The following NET1 variants were observed in gnomAD, a reference collection of about 807,000 sequenced individuals.
NET1 encodes the protein neuroepithelial cell transforming 1.
Under a neutral mutation model 61.1 loss-of-function variants are expected in NET1, and 42 were observed. The ratio of observed to expected loss-of-function variants is 0.69; its 90% CI spans 0.54 to 0.89. The LOEUF is 0.89. Ranked by LOEUF, NET1 falls within the 40% of genes least tolerant of loss-of-function variation. NET1 has a pLI of 0.00. For missense variants in NET1, 654 were observed against 747.3 expected (o/e 0.88, Z 1.46); for synonymous variants, 254 against 281.8 (o/e 0.90, Z 0.99).
chr10:5,428,509 A>AC (rs1238235257), intron 2 of NET1, among the ~76,000 whole-genome samples: 29 of 151,588 alleles, frequency 1.9e-4, no homozygotes, highest in Non-Finnish European at 3.7e-4. Flanking sequence ...CAAAAAAAAA[A>AC]AACTAGCTGA....
chr10:5,452,277 A>T lies in NET1; in HGVS notation c.364-81A>T. 2 of 1,263,788 alleles carry T rather than the reference A, an allele frequency of 1.6e-6. No individual in the cohort carries two copies. The highest frequency in any genetic ancestry group is 1.5e-5 in the African/African-American group (1 of 65,944). The allele number at this position is 1,263,788 out of a possible 1,614,324, so 78.3% of individuals were successfully genotyped here. ...AATTCTCAGAACTTTGTCTTTCTTC[A>T]CTTTAAAAAAAAAGAAAATGGGAAT... On this transcript the variant is annotated intron_variant, in intron 4 of 11. Transcript: ENST00000355029. The surrounding 1 kb of genome is among the most constrained non-coding windows in gnomAD (Gnocchi z 4.0).
intron 3 of NET1, among the ~76,000 whole-genome samples, chr10:5,448,375 G>A (rs1266514571): frequency 1.3e-5 from 2 of 152,140 alleles, no homozygotes; most frequent in African/African-American, 2.4e-5. Flanking sequence ...ACAATTTTCT[G>A]TTTATAGATG....
In NET1 at chr10:5,456,627, C is replaced by A. The variant is rs975094171; in HGVS notation, c.1424C>A (p.Pro475Gln). ...AGAATTCGCTTCCATGACCCCTCTCCAGCCCAGTCTCACACTCTGCAAGCC... is the reference window on the plus strand; with the variant it reads ...AGAATTCGCTTCCATGACCCCTCTCAAGCCCAGTCTCACACTCTGCAAGCC... ...IFRIRFHDPSPAQSHTLQAND... is the reference protein window; with the variant it reads ...IFRIRFHDPSQAQSHTLQAND... Residue 475 changes from proline to glutamine, a missense_variant, in exon 12 of 12, where the codon CCA becomes CAA. Coordinates refer to ENST00000355029, the MANE Select transcript of NET1 (RefSeq NM_001047160.3). The surrounding 1 kb of genome is among the most constrained non-coding windows in gnomAD (Gnocchi z 7.0). 25 of 1,574,612 alleles carry A rather than the reference C, an allele frequency of 1.6e-5. No individual in the cohort carries two copies. The highest frequency in any genetic ancestry group is 2.0e-5 in the Non-Finnish European group (23 of 1,161,472).
Position 5,444,075 on chromosome 10 carries a change from T to C in NET1, c.256-7755T>C, listed in dbSNP as rs927448471. 2.6e-5 allele frequency among the ~76,000 whole-genome samples: 4 copies of C among 152,360 alleles called. No individual in the cohort carries two copies. The highest frequency in any genetic ancestry group is 2.9e-5 in the Non-Finnish European group (2 of 68,038). Reference sequence around the variant, plus strand: ...CTCTGAGAATGTAGGTAGATCACTGTTCTTAAAATTAAGAGTAAAATTAGG... The same window carrying C: ...CTCTGAGAATGTAGGTAGATCACTGCTCTTAAAATTAAGAGTAAAATTAGG... On this transcript the variant is annotated intron_variant, in intron 3 of 11. Coordinates refer to ENST00000355029, the MANE Select transcript of NET1 (RefSeq NM_001047160.3). This position sits in a 1 kb window ranked among gnomAD's most constrained non-coding sequence, Gnocchi z 5.3.
In NET1 at chr10:5,444,560, G is replaced by C. The variant is rs149868640; in HGVS notation, c.256-7270G>C. 6.6e-6 allele frequency among the ~76,000 whole-genome samples: 1 copy of C among 152,136 alleles called. No homozygotes were observed. The highest frequency in any genetic ancestry group is 1.9e-4 in the East Asian group (1 of 5,178). ...TTTTCATACCCTCCTTAACCTCTTT[G>C]CTGTAATTAACATTTTTTTCTTCCC... is the stretch of plus-strand genomic sequence containing the variant. On this transcript the variant is annotated intron_variant, in intron 3 of 11. Coordinates refer to ENST00000355029, the MANE Select transcript of NET1 (RefSeq NM_001047160.3). This position sits in a 1 kb window ranked among gnomAD's most constrained non-coding sequence, Gnocchi z 5.3.
intron 3 of NET1, among the ~76,000 whole-genome samples, chr10:5,445,856 G>A (rs1051706261): frequency 1.3e-5 from 2 of 152,186 alleles, no homozygotes; most frequent in Non-Finnish European, 2.9e-5. Flanking sequence ...TCAGTCTAGA[G>A]AAGGACCCTG....
Position 5,459,022 on chromosome 10 carries a change from G to A in NET1, c.*2028G>A, listed in dbSNP as rs1016530932. Among the ~76,000 whole-genome samples the A allele has an allele frequency of 6.6e-6, 1 of 152,104 alleles. No homozygotes were observed. The highest frequency in any genetic ancestry group is 1.5e-5 in the Non-Finnish European group (1 of 68,026). ...AAGGTAAAAATAAGACCCAGAATCT[G>A]AGTAAATCTATTAAATGAATGTTCT... is the stretch of plus-strand genomic sequence containing the variant. On this transcript the variant is annotated 3_prime_UTR_variant, in exon 12 of 12. Transcript: ENST00000355029.
Position 5,458,810 on chromosome 10 carries a change from T to C in NET1, c.*1816T>C, listed in dbSNP as rs1010471928. ...GAAATTCACATTCATAAGTGTATAT[T>C]ACACCAATGATTGTGATCTGCAACA... On this transcript the variant is annotated 3_prime_UTR_variant, in exon 12 of 12. Transcript: ENST00000355029. This position sits in a 1 kb window ranked among gnomAD's most constrained non-coding sequence, Gnocchi z 4.5. Among the ~76,000 whole-genome samples, 4 of 152,246 alleles carry C rather than the reference T, an allele frequency of 2.6e-5. No individual in the cohort carries two copies. The highest frequency in any genetic ancestry group is 7.2e-5 in the African/African-American group (3 of 41,460).
Position 5,452,178 on chromosome 10 carries a change from A to G in NET1, c.364-180A>G, listed in dbSNP as rs1236098264. On this transcript the variant is annotated intron_variant, in intron 4 of 11. Transcript: ENST00000355029. This position sits in a 1 kb window ranked among gnomAD's most constrained non-coding sequence, Gnocchi z 4.0. Reference sequence around the variant, plus strand: ...TCTTGGCTAGTTTTTATTCCCAAAAATGTAATTTTAGCTGATAAATATTTA... The same window carrying G: ...TCTTGGCTAGTTTTTATTCCCAAAAGTGTAATTTTAGCTGATAAATATTTA... Among the ~76,000 whole-genome samples the G allele has an allele frequency of 6.6e-6, 1 of 152,212 alleles. No individual in the cohort carries two copies. The highest frequency in any genetic ancestry group is 2.4e-5 in the African/African-American group (1 of 41,448).
intron 2 of NET1, among the ~76,000 whole-genome samples, chr10:5,428,263 AT>A (rs1232124290): frequency 6.6e-6 from 1 of 152,102 alleles, no homozygotes; most frequent in African/African-American, 2.4e-5. Flanking sequence ...CTTATTCACT[AT>A]TAATTAAGTA....
At position 5,426,949 on chromosome 10, in the gene NET1, T is replaced by C. The variant is rs1832267657; in HGVS notation, c.195+228T>C. On this transcript the variant is annotated intron_variant, in intron 2 of 11. Coordinates refer to ENST00000355029, the MANE Select transcript of NET1 (RefSeq NM_001047160.3). This position sits in a 1 kb window ranked among gnomAD's most constrained non-coding sequence, Gnocchi z 4.6. The stretch of plus-strand genomic sequence containing the variant: ...TATTTTGCAAAGTACTCACATCTAT[T>C]AATCTTTAACTCTATGCCATCCTTT... 6.6e-6 allele frequency among the ~76,000 whole-genome samples: 1 copy of C among 152,186 alleles called. No homozygotes were observed. Among genetic ancestry groups the C allele is most frequent in the South Asian group, 2.1e-4 (1 of 4,836 alleles).
At chr10:5,428,889 ATT>A (rs71388434) in intron 2 of NET1, among the ~76,000 whole-genome samples, 3 of 140,182 alleles carry the variant, frequency 2.1e-5, no homozygotes, top group Admixed American at 1.4e-4. Context: ...CGCGCAGCTA[ATT>A]TTTTTTTTTT....
At chr10:5,428,731 T>G (rs1483851930) in intron 2 of NET1, among the ~76,000 whole-genome samples, 2 of 151,446 alleles carry the variant, frequency 1.3e-5, no homozygotes, top group African/African-American at 4.8e-5. Context: ...CTTTGTTTTT[T>G]TTTTTTTTTG....
In NET1 at chr10:5,452,844, C is replaced by G. The variant is rs751968274; in HGVS notation, c.532-14C>G. ...TCGAAGGAATGACCTCTGATGTTTG[C>G]TGGATGTTTTTAGGCAATATATGAA... On this transcript the variant is annotated splice_polypyrimidine_tract_variant and intron_variant, in intron 5 of 11. Transcript: ENST00000355029. This position sits in a 1 kb window ranked among gnomAD's most constrained non-coding sequence, Gnocchi z 4.0. The G allele has an allele frequency of 1.2e-6, 2 of 1,608,606 alleles. No homozygotes were observed. Among genetic ancestry groups the G allele is most frequent in the African/African-American group, 2.7e-5 (2 of 74,682 alleles).
At position 5,454,929 on chromosome 10, in the gene NET1, T is replaced by C; in HGVS notation, c.1027-19T>C. ...TAATAAACTGAAGCTGCTCTGTCAA[T>C]TTTATTTATCATTTTCAGATATTGA... On this transcript the variant is annotated intron_variant, in intron 9 of 11. Transcript: ENST00000355029. This position sits in a 1 kb window ranked among gnomAD's most constrained non-coding sequence, Gnocchi z 8.1. 1 of 1,610,440 alleles carries C rather than the reference T, an allele frequency of 6.2e-7. No homozygotes were observed. Among genetic ancestry groups the C allele is most frequent in the Non-Finnish European group, 8.5e-7 (1 of 1,177,438 alleles).
chr10:5,430,316 A>G (rs1016961615), intron 3 of NET1, among the ~76,000 whole-genome samples: 2 of 152,024 alleles, frequency 1.3e-5, no homozygotes, highest in African/African-American at 4.8e-5. Context: ...TAAATCCTAG[A>G]TGTCATGTCC....
rs752745928 is a variant in NET1, at chr10:5,454,248, C to G, written c.769-17C>G. ...ATAACAGGAACACATCATACCTTTT[C>G]TTTTATTACTCTTCAGTTACCGCGC... On this transcript the variant is annotated splice_polypyrimidine_tract_variant and intron_variant, in intron 8 of 11. Coordinates refer to ENST00000355029, the MANE Select transcript of NET1 (RefSeq NM_001047160.3). The surrounding 1 kb of genome is among the most constrained non-coding windows in gnomAD (Gnocchi z 8.1). 1.2e-6 allele frequency: 2 copies of G among 1,604,618 alleles called. No homozygotes were observed. Among genetic ancestry groups the G allele is most frequent in the Admixed American group, 3.5e-5 (2 of 57,628 alleles).
intron 3 of NET1, among the ~76,000 whole-genome samples, chr10:5,436,951 A>G (rs891755435): frequency 6.6e-6 from 1 of 152,250 alleles, no homozygotes; most frequent in Non-Finnish European, 1.5e-5. Context: ...AGGTGTTGAT[A>G]TAAGAAAATG....
At position 5,451,310 on chromosome 10, in the gene NET1, T is replaced by C. The variant is rs1365021062; in HGVS notation, c.256-520T>C. ...AGTGTCAGACATGTTGATTGAAAGG[T>C]TGTATTTTCTAACGGAAGTAGTTAA... On this transcript the variant is annotated intron_variant, in intron 3 of 11. Coordinates refer to ENST00000355029, the MANE Select transcript of NET1 (RefSeq NM_001047160.3). This position sits in a 1 kb window ranked among gnomAD's most constrained non-coding sequence, Gnocchi z 6.1. Among the ~76,000 whole-genome samples, 1 of 152,146 alleles carries C rather than the reference T, an allele frequency of 6.6e-6. No homozygotes were observed. The highest frequency in any genetic ancestry group is 1.5e-5 in the Non-Finnish European group (1 of 68,016).
Sources: allele counts gnomAD v4.1 joint callset (sites outside exome capture counted in the v4.1 genomes callset), GRCh38; gene constraint gnomAD v4.1.1; non-coding constraint Gnocchi (gnomAD v3.1); transcripts MANE v1.5; gene names NCBI Gene and HGNC (gene_info 2026-07-23, HGNC 2026-07-21).